Variants in TENM3 observed in about 807,000 individuals in gnomAD.
TENM3 encodes the protein teneurin transmembrane protein 3.
Under a neutral mutation model 255.1 loss-of-function variants are expected in TENM3, and 63 were observed. The ratio of observed to expected loss-of-function variants is 0.25; its 90% CI spans 0.20 to 0.30. The LOEUF is 0.30. Ranked by LOEUF, TENM3 falls within the 10% of genes least tolerant of loss-of-function variation. The probability of loss-of-function intolerance (pLI) is 1.00; values close to 1 mark genes in which losing one functional copy is unlikely to be tolerated. For missense variants in TENM3, 2,929 were observed against 3,461.1 expected (o/e 0.85, Z 3.86); for synonymous variants, 1,306 against 1,322.3 (o/e 0.99, Z 0.27).
chr4:182,172,456 G>A (rs990242091), intron 1 of TENM3, among the ~76,000 whole-genome samples: 2 of 152,110 alleles, frequency 1.3e-5, no homozygotes, highest in Non-Finnish European at 2.9e-5. Context: ...TGTATCCTTT[G>A]TTTAGTACTC....
chr4:181,875,855 A>T, the TENM3 span, among the ~76,000 whole-genome samples: 1 of 152,078 alleles, frequency 6.6e-6, no homozygotes, highest in Non-Finnish European at 1.5e-5. Flanking sequence ...AAAAGCACAT[A>T]ATAACTTGAA....
At chr4:182,564,173 G>A (rs1743514700) in intron 3 of TENM3, among the ~76,000 whole-genome samples, 1 of 152,082 alleles carries the variant, frequency 6.6e-6, no homozygotes, top group Non-Finnish European at 1.5e-5. Flanking sequence ...GGGATTCACT[G>A]CTTTCTGAGG....
chr4:182,173,915 A>G (rs914426008), intron 1 of TENM3, among the ~76,000 whole-genome samples: 4 of 152,184 alleles, frequency 2.6e-5, no homozygotes, highest in African/African-American at 9.7e-5. Flanking sequence ...GATGATTTTT[A>G]TGTAATATAT....
the TENM3 span, among the ~76,000 whole-genome samples, chr4:181,669,924 AG>A: frequency 0.013 from 1,921 of 152,336 alleles, 22 homozygotes; most frequent in Non-Finnish European, 0.02. Flanking sequence ...TGGTGTAGAA[AG>A]AATGTAAAAG....
chr4:182,470,797 A>T (rs1733046738), intron 3 of TENM3, among the ~76,000 whole-genome samples: 1 of 152,138 alleles, frequency 6.6e-6, no homozygotes, highest in Non-Finnish European at 1.5e-5. Flanking sequence ...GTCATTAGAG[A>T]ACTAGCCTCA....
the TENM3 span, among the ~76,000 whole-genome samples, chr4:181,497,115 G>A: frequency 1.2e-4 from 19 of 152,028 alleles, no homozygotes; most frequent in South Asian, 1.0e-3. Context: ...TGTATTTTTC[G>A]TTCCTTGAGA....
chr4:182,124,739 A>C, the TENM3 span, among the ~76,000 whole-genome samples: 1 of 152,202 alleles, frequency 6.6e-6, no homozygotes, highest in African/African-American at 2.4e-5. Context: ...GTCCCTTCCC[A>C]CTTTTTTGCA....
chr4:181,823,737 T>C, the TENM3 span, among the ~76,000 whole-genome samples: 1 of 152,170 alleles, frequency 6.6e-6, no homozygotes, highest in Non-Finnish European at 1.5e-5. Context: ...ACTATAAGTA[T>C]TGAAAATCTG....
intron 22 of TENM3, among the ~76,000 whole-genome samples, chr4:182,764,202 G>GCACA (rs1763468477): frequency 6.6e-6 from 1 of 152,166 alleles, no homozygotes; most frequent in African/African-American, 2.4e-5. Context: ...TGATAAGGTG[G>GCACA]GAAGTTTTCT....
chr4:181,881,065 G>A, the TENM3 span, among the ~76,000 whole-genome samples: 1 of 152,098 alleles, frequency 6.6e-6, no homozygotes, highest in African/African-American at 2.4e-5. Context: ...CTTGAAGCTA[G>A]AATTCTGGGG....
At chr4:181,467,903 T>C in the TENM3 span, among the ~76,000 whole-genome samples, 5 of 152,170 alleles carry the variant, frequency 3.3e-5, no homozygotes, top group African/African-American at 1.2e-4. Flanking sequence ...ATTATATATG[T>C]TAAAGATTTT....
chr4:182,490,174 G>A (rs1307512413), intron 3 of TENM3, among the ~76,000 whole-genome samples: 10 of 152,112 alleles, frequency 6.6e-5, no homozygotes, highest in African/African-American at 1.7e-4. Flanking sequence ...TGTTAATAGC[G>A]AGGGCTGTAT....
intron 3 of TENM3, among the ~76,000 whole-genome samples, chr4:182,397,995 G>A (rs1331988549): frequency 4.6e-5 from 7 of 152,092 alleles, no homozygotes; most frequent in African/African-American, 1.4e-4. Flanking sequence ...TCTCTGTTTC[G>A]GATAAGTCTG....
chr4:182,670,203 C>G (rs1216254673), intron 6 of TENM3, among the ~76,000 whole-genome samples: 1 of 152,090 alleles, frequency 6.6e-6, no homozygotes, highest in Admixed American at 6.5e-5. Flanking sequence ...AAAATAAATA[C>G]TTTGAATCCT....
chr4:182,264,601 G>C (rs1759116734), intron 1 of TENM3, among the ~76,000 whole-genome samples: 1 of 152,190 alleles, frequency 6.6e-6, no homozygotes, highest in Admixed American at 6.5e-5. Flanking sequence ...TTTCCCAGTG[G>C]CGGTCCAGGT....
rs1248107862 is a variant in TENM3 at position 182,462,073 on chromosome 4, T to TGC, written c.511+115144_511+115145insGC. Among the ~76,000 whole-genome samples the TGC allele has an allele frequency of 5.1e-4, 78 of 151,754 alleles. 2 individuals carry two copies. In the South Asian group the frequency reaches 0.014, roughly 28 times the overall value. ...TCATCACAGCCTCCTCTGAGCTTTT[T>TGC]TTTTTTTTTTCCAAATTGAGACAGG... On this transcript the variant is annotated intron_variant, in intron 3 of 27. Coordinates refer to ENST00000511685, the MANE Select transcript of TENM3 (RefSeq NM_001080477.4).
At chr4:181,924,163 C>T in the TENM3 span, among the ~76,000 whole-genome samples, 2 of 152,124 alleles carry the variant, frequency 1.3e-5, no homozygotes, top group African/African-American at 4.8e-5. Context: ...TGCTTTAAAA[C>T]CAATGGATTC....
At chr4:182,163,237 C>T (rs78831702) in intron 1 of TENM3, among the ~76,000 whole-genome samples, 1 of 152,148 alleles carries the variant, frequency 6.6e-6, no homozygotes, top group Non-Finnish European at 1.5e-5. Flanking sequence ...TCCTGCCACC[C>T]GTCTTTCGTC....
the TENM3 span, among the ~76,000 whole-genome samples, chr4:181,683,176 A>G: frequency 7.9e-5 from 12 of 152,166 alleles, no homozygotes; most frequent in African/African-American, 2.9e-4. Context: ...ATGTATATTG[A>G]GCACTCATTA....
Sources: gnomAD v4.1 joint callset for allele counts (sites outside exome capture counted in the v4.1 genomes callset) on GRCh38, gnomAD v4.1.1 for gene constraint, MANE v1.5 for transcripts, NCBI Gene and HGNC (gene_info 2026-07-23, HGNC 2026-07-21) for gene names.